The following MARCHF1 variants were observed in gnomAD, a reference collection of about 807,000 sequenced individuals.
MARCHF1 encodes E3 ubiquitin-protein ligase MARCHF1.
A neutral mutation model predicts 54.2 loss-of-function variants in MARCHF1; 40 were observed. That is an observed-to-expected ratio of 0.74 (90% CI 0.57 to 0.96). The LOEUF (loss-of-function observed/expected upper bound fraction) is 0.96. Among genes scored for constraint, MARCHF1 ranks in the 40% least tolerant of loss-of-function variants. MARCHF1 has a pLI of 0.00. For missense variants in MARCHF1, 586 were observed against 656.5 expected (o/e 0.89, Z 1.17); for synonymous variants, 236 against 236.3 (o/e 1.00, Z 0.01).
chr4:163,582,537 A>G (rs6841438), intron 8 of MARCHF1, among the ~76,000 whole-genome samples: 2,852 of 152,320 alleles, frequency 0.019, 79 homozygotes, highest in African/African-American at 0.063. Context: ...ATGCAGAATT[A>G]TACCTTACTA....
At chr4:163,567,074 T>C (rs1166597254) in intron 8 of MARCHF1, among the ~76,000 whole-genome samples, 2 of 152,156 alleles carry the variant, frequency 1.3e-5, no homozygotes, top group South Asian at 4.1e-4. Context: ...GCATGGCACA[T>C]GTATATGCAT....
At chr4:164,031,068 C>G (rs1211224439) in intron 2 of MARCHF1, among the ~76,000 whole-genome samples, 2 of 152,190 alleles carry the variant, frequency 1.3e-5, no homozygotes, top group Admixed American at 6.5e-5. Flanking sequence ...TTATTTCATT[C>G]TCTTGCCTGA....
At chr4:164,026,322 T>G (rs977749900) in intron 2 of MARCHF1, among the ~76,000 whole-genome samples, 1 of 152,046 alleles carries the variant, frequency 6.6e-6, no homozygotes, top group Non-Finnish European at 1.5e-5. Flanking sequence ...GAACGTAGAT[T>G]CATAATCCCT....
intron 3 of MARCHF1, among the ~76,000 whole-genome samples, chr4:163,866,023 T>C (rs1010878261): frequency 1.3e-5 from 2 of 151,768 alleles, no homozygotes; most frequent in Non-Finnish European, 3.0e-5. Flanking sequence ...TTTTTATCTT[T>C]TGACACTGTA....
At chr4:164,172,261 C>T (rs1222987471) in intron 1 of MARCHF1, among the ~76,000 whole-genome samples, 1 of 152,154 alleles carries the variant, frequency 6.6e-6, no homozygotes, top group Non-Finnish European at 1.5e-5. Flanking sequence ...AAATTAAATT[C>T]TTGTTTATGA....
At chr4:163,688,430 A>G (rs1035385443) in intron 5 of MARCHF1, among the ~76,000 whole-genome samples, 9 of 152,194 alleles carry the variant, frequency 5.9e-5, no homozygotes, top group Non-Finnish European at 1.2e-4. Flanking sequence ...TTTTTGAATG[A>G]AAATATGTCC....
intron 5 of MARCHF1, among the ~76,000 whole-genome samples, chr4:163,666,560 A>G (rs1743540008): frequency 6.6e-6 from 1 of 152,182 alleles, no homozygotes; most frequent in Non-Finnish European, 1.5e-5. Flanking sequence ...AACCATTTTA[A>G]ATAGCAATAG....
intron 2 of MARCHF1, among the ~76,000 whole-genome samples, chr4:164,026,062 A>C (rs1363941325): frequency 5.9e-5 from 9 of 152,140 alleles, no homozygotes; most frequent in Admixed American, 5.2e-4. Flanking sequence ...GAAGTCCCAG[A>C]AATTTAATCA....
In MARCHF1 at chr4:164,212,682, T is replaced by A. The variant is rs189986815; in HGVS notation, c.-322-101020A>T. Reference sequence around the variant, plus strand: ...GATCAGATAGCAAGATCCACTGATGTTCAAGTCCCTTCAGTCTTATGTATC... The same window carrying A: ...GATCAGATAGCAAGATCCACTGATGATCAAGTCCCTTCAGTCTTATGTATC... On this transcript the variant is annotated intron_variant, in intron 1 of 9. Coordinates refer to ENST00000514618, the MANE Select transcript of MARCHF1 (RefSeq NM_001394959.1). Among the ~76,000 whole-genome samples the A allele has an allele frequency of 1.7e-3, 262 of 152,322 alleles. 1 individual carries two copies. Among genetic ancestry groups the A allele is most frequent in the Non-Finnish European group, 3.0e-3 (201 of 68,004 alleles).
At chr4:163,958,321 C>T (rs1418180603) in intron 3 of MARCHF1, among the ~76,000 whole-genome samples, 1 of 150,864 alleles carries the variant, frequency 6.6e-6, no homozygotes, top group African/African-American at 2.4e-5. Context: ...ATTTATTATC[C>T]ATCTCTTTAC....
chr4:163,733,258 TACAC>T (rs56295544), intron 4 of MARCHF1, among the ~76,000 whole-genome samples: 5 of 45,066 alleles, frequency 1.1e-4, no homozygotes, highest in East Asian at 7.8e-4. Flanking sequence ...TATATATATA[TACAC>T]ACACACACAC....
intron 4 of MARCHF1, among the ~76,000 whole-genome samples, chr4:163,817,210 T>C (rs1748556822): frequency 6.6e-6 from 1 of 151,978 alleles, no homozygotes; most frequent in African/African-American, 2.4e-5. Flanking sequence ...TTCTCCCCAA[T>C]TTTACCACTG....
chr4:163,757,423 T>C (rs552059129), intron 4 of MARCHF1, among the ~76,000 whole-genome samples: 3 of 152,340 alleles, frequency 2.0e-5, no homozygotes, highest in East Asian at 3.9e-4. Context: ...ACATTAGCAA[T>C]ACTGATTGGG....
intron 1 of MARCHF1, among the ~76,000 whole-genome samples, chr4:164,366,540 T>C (rs527671529): frequency 3.9e-5 from 6 of 152,004 alleles, no homozygotes; most frequent in Non-Finnish European, 7.4e-5. Flanking sequence ...CCCTTCTACA[T>C]AGACATACAA....
intron 4 of MARCHF1, among the ~76,000 whole-genome samples, chr4:163,848,122 G>A (rs1226182165): frequency 1.3e-5 from 2 of 152,164 alleles, no homozygotes; most frequent in East Asian, 1.9e-4. Flanking sequence ...TTGAAAAGTT[G>A]TATATGTCTG....
intron 4 of MARCHF1, among the ~76,000 whole-genome samples, chr4:163,806,127 AT>A (rs1311710132): frequency 2.0e-5 from 3 of 152,192 alleles, no homozygotes; most frequent in Non-Finnish European, 4.4e-5. Flanking sequence ...TGTAGGTTTA[AT>A]TTAGAAGTTT....
At chr4:164,190,291 C>G (rs1486397080) in intron 1 of MARCHF1, 2 of 773,906 alleles carry the variant, frequency 2.6e-6, no homozygotes, top group East Asian at 4.9e-5. Flanking sequence ...AGTGCAAGCC[C>G]TCTCCCAGCC....
chr4:164,261,275 G>A (rs1236136665), intron 1 of MARCHF1, among the ~76,000 whole-genome samples: 2 of 152,020 alleles, frequency 1.3e-5, no homozygotes, highest in South Asian at 2.1e-4. Flanking sequence ...TATTACAGGA[G>A]CCCTAGGAAA....
At chr4:163,652,687 C>A (rs1743009450) in intron 5 of MARCHF1, among the ~76,000 whole-genome samples, 1 of 151,768 alleles carries the variant, frequency 6.6e-6, no homozygotes, top group African/African-American at 2.4e-5. Context: ...TTCAATATAC[C>A]TTTTATTTCT....
Sources: allele counts gnomAD v4.1 joint callset (sites outside exome capture counted in the v4.1 genomes callset), GRCh38; gene constraint gnomAD v4.1.1; transcripts MANE v1.5; gene names NCBI Gene and HGNC (gene_info 2026-07-23, HGNC 2026-07-21).